Variants in THADA observed in about 807,000 individuals in gnomAD.
THADA encodes the protein THADA armadillo repeat containing.
In THADA, 213 loss-of-function variants were observed where a neutral mutation model predicts 219.8. The ratio of observed to expected loss-of-function variants is 0.97; its 90% CI spans 0.87 to 1.09. The LOEUF is 1.09. Ranked by LOEUF, THADA falls within the 50% of genes least tolerant of loss-of-function variation. The pLI, the probability that THADA is intolerant of heterozygous loss-of-function variation, is 0.00. For synonymous variants in THADA, 1,018 were observed against 828.9 expected, an observed-to-expected ratio of 1.23 and a Z score of -3.92; for missense variants, 2,956 against 2,311.3, an observed-to-expected ratio of 1.28 and a Z score of -5.72.
chr2:43,357,962 G>T (rs1257106141), intron 29 of THADA, among the ~76,000 whole-genome samples: 1 of 152,130 alleles, frequency 6.6e-6, no homozygotes, highest in South Asian at 2.1e-4. Flanking sequence ...CATAGTCAGT[G>T]TACCTTTCAC....
intron 14 of THADA, among the ~76,000 whole-genome samples, chr2:43,569,562 C>A (rs1574301599): frequency 6.6e-6 from 1 of 152,198 alleles, no homozygotes; most frequent in East Asian, 1.9e-4. Flanking sequence ...CTAATTTTAC[C>A]CTTTGTATAT....
intron 29 of THADA, among the ~76,000 whole-genome samples, chr2:43,364,284 C>T (rs777290951): frequency 2.1e-4 from 32 of 152,234 alleles, no homozygotes; most frequent in Admixed American, 1.1e-3. Context: ...GGTAATATGA[C>T]AGACTTGAAG....
intron 29 of THADA, among the ~76,000 whole-genome samples, chr2:43,386,603 A>G (rs1402818179): frequency 6.6e-6 from 1 of 152,174 alleles, no homozygotes; most frequent in African/African-American, 2.4e-5. Flanking sequence ...TAATATTAAC[A>G]TAATTACGGG....
intron 30 of THADA, among the ~76,000 whole-genome samples, chr2:43,338,154 C>CTTTTTT (rs35928615): frequency 7.9e-6 from 1 of 126,362 alleles, no homozygotes; most frequent in African/African-American, 2.9e-5. Flanking sequence ...ATCACCAGAA[C>CTTTTTT]TTTTTTTTTT....
At chr2:43,590,128 T>C (rs1305303810) in intron 4 of THADA, among the ~76,000 whole-genome samples, 1 of 152,090 alleles carries the variant, frequency 6.6e-6, no homozygotes, top group Admixed American at 6.5e-5. Flanking sequence ...CCCTAAACAA[T>C]GAAATGGAAG....
At chr2:43,234,984 CTT>C (rs1012751270) in intron 36 of THADA, among the ~76,000 whole-genome samples, 6 of 140,336 alleles carry the variant, frequency 4.3e-5, no homozygotes, top group Non-Finnish European at 7.8e-5. Context: ...GTTTATCACT[CTT>C]TTTTTTTTTC....
chr2:43,246,511 C>G (rs1055166381), intron 36 of THADA, among the ~76,000 whole-genome samples: 1 of 151,410 alleles, frequency 6.6e-6, no homozygotes, highest in East Asian at 1.9e-4. Flanking sequence ...AACAAACAAA[C>G]AAACAAACAA....
At chr2:43,342,785 A>G (rs1436770296) in intron 30 of THADA, among the ~76,000 whole-genome samples, 2 of 152,166 alleles carry the variant, frequency 1.3e-5, no homozygotes, top group Non-Finnish European at 2.9e-5. Flanking sequence ...ATATTTTTGT[A>G]TCCCTATATC....
intron 26 of THADA, chr2:43,462,899 T>G (rs914312515): frequency 1.3e-5 from 2 of 152,130 alleles, no homozygotes; most frequent in Non-Finnish European, 2.9e-5. Flanking sequence ...GGCAGAGACA[T>G]GTGGTTAACA....
intron 29 of THADA, among the ~76,000 whole-genome samples, chr2:43,385,014 G>A (rs1349013055): frequency 6.6e-6 from 1 of 151,944 alleles, no homozygotes; most frequent in Non-Finnish European, 1.5e-5. Flanking sequence ...GGTGGTGCAC[G>A]CCTGTAGTCC....
intron 22 of THADA, among the ~76,000 whole-genome samples, chr2:43,521,186 A>AGGAAGGAAAGAG (rs1322108639): frequency 1.3e-5 from 2 of 151,054 alleles, no homozygotes; most frequent in Non-Finnish European, 3.0e-5. Flanking sequence ...GGAGGGAAGA[A>AGGAAGGAAAGAG]GGAAGGAAAG....
intron 35 of THADA, among the ~76,000 whole-genome samples, chr2:43,281,133 C>A (rs1211135114): frequency 6.6e-6 from 1 of 152,212 alleles, no homozygotes; most frequent in Non-Finnish European, 1.5e-5. Flanking sequence ...CTATCCTCTA[C>A]CTCATCTGTA....
intron 21 of THADA, among the ~76,000 whole-genome samples, chr2:43,532,944 G>C (rs914818300): frequency 3.3e-5 from 5 of 152,106 alleles, no homozygotes; most frequent in Admixed American, 1.3e-4. Flanking sequence ...TCATCAGAGT[G>C]AACAGACAAC....
intron 25 of THADA, among the ~76,000 whole-genome samples, chr2:43,498,073 C>G (rs977680394): frequency 2.0e-5 from 3 of 151,688 alleles, no homozygotes; most frequent in African/African-American, 7.3e-5. Flanking sequence ...ACACACAGCC[C>G]CCCACCCCAC....
intron 17 of THADA, 45 bp from the exon 18 acceptor site, chr2:43,552,384 C>G: frequency 6.4e-7 from 1 of 1,560,336 alleles, no homozygotes; most frequent in South Asian, 1.2e-5. Context: ...AATCTTAAAA[C>G]ATTTGTAAAT....
intron 26 of THADA, among the ~76,000 whole-genome samples, chr2:43,443,291 T>G (rs1437603987): frequency 6.6e-6 from 1 of 152,164 alleles, no homozygotes; most frequent in Non-Finnish European, 1.5e-5. Context: ...ATGACCAAGA[T>G]AGTAACACAT....
chr2:43,569,245 G>C (rs763540254), intron 14 of THADA, among the ~76,000 whole-genome samples: 1 of 152,160 alleles, frequency 6.6e-6, no homozygotes, highest in Non-Finnish European at 1.5e-5. Context: ...CCAAAGTGCT[G>C]AGATTATAGG....
chr2:43,594,699 C>T (rs527505199), intron 1 of THADA, among the ~76,000 whole-genome samples: 1 of 152,228 alleles, frequency 6.6e-6, no homozygotes, highest in Admixed American at 6.5e-5. Context: ...CTCCTCTTCA[C>T]CATCTCAAGA....
At chr2:43,403,074 T>C (rs1451812578) in intron 28 of THADA, among the ~76,000 whole-genome samples, 2 of 152,210 alleles carry the variant, frequency 1.3e-5, no homozygotes, top group African/African-American at 2.4e-5. Flanking sequence ...AAGGTCAGTG[T>C]CATTAACCTT....
Sources: allele counts gnomAD v4.1 joint callset (sites outside exome capture counted in the v4.1 genomes callset), GRCh38; gene constraint gnomAD v4.1.1; transcripts MANE v1.5; gene names NCBI Gene and HGNC (gene_info 2026-07-23, HGNC 2026-07-21).